The following SOX6 variants were observed in gnomAD, a reference collection of about 807,000 sequenced individuals.
SOX6 encodes the protein transcription factor SOX-6.
Under a neutral mutation model 97.8 loss-of-function variants are expected in SOX6, and 11 were observed. That is an observed-to-expected ratio of 0.11 (90% CI 0.07 to 0.19). The LOEUF is 0.19. Ranked by LOEUF, SOX6 falls within the 10% of genes least tolerant of loss-of-function variation. The pLI, the probability that SOX6 is intolerant of heterozygous loss-of-function variation, is 1.00. For synonymous variants in SOX6, 360 were observed against 371.4 expected (o/e 0.97, Z 0.35); for missense variants, 810 against 1,039.5 (o/e 0.78, Z 3.04).
At chr11:16,573,891 G>C (rs1847959860) in intron 4 of SOX6, among the ~76,000 whole-genome samples, 1 of 151,974 alleles carries the variant, frequency 6.6e-6, no homozygotes, top group Non-Finnish European at 1.5e-5. Context: ...ATAACTTTTT[G>C]ACTTCTCTGT....
chr11:16,405,296 T>C (rs1299729324), intron 1 of SOX6, among the ~76,000 whole-genome samples: 1 of 152,024 alleles, frequency 6.6e-6, no homozygotes, highest in Non-Finnish European at 1.5e-5. Context: ...CAGAATATCC[T>C]AATTAGCATG....
At chr11:16,171,706 A>C (rs1345741833) in intron 6 of SOX6, among the ~76,000 whole-genome samples, 8 of 151,868 alleles carry the variant, frequency 5.3e-5, no homozygotes, top group African/African-American at 1.9e-4. Context: ...AAGAACATGG[A>C]TTTGCTTAAA....
chr11:16,041,719 C>A (rs151051922), intron 12 of SOX6, among the ~76,000 whole-genome samples: 3 of 152,132 alleles, frequency 2.0e-5, no homozygotes, highest in African/African-American at 7.2e-5. Context: ...CTCCCTAGCA[C>A]ACTAACATAA....
Position 16,341,032 on chromosome 11 carries a change from G to A in SOX6, c.217C>T (p.Leu73=), listed in dbSNP as rs372837668. ...CTCACCATTCTTTGCTGAGATGACA[G>A]AACGCTGTCCCAGTCAGCATCTTGT... The part of the protein sequence containing the change: ...IQQDADWDSV[L]SSQQRMESEN... The change falls in exon 2 of 16, where the codon CTG becomes TTG. Residue 73 remains leucine, a synonymous_variant. Coordinates refer to ENST00000683767, the MANE Select transcript of SOX6 (RefSeq NM_001367873.1). 21 of 1,613,302 alleles carry A rather than the reference G, an allele frequency of 1.3e-5. No homozygotes were observed. The African/African-American group carries it at 2.5e-4, about 19-fold the overall frequency.
intron 4 of SOX6, among the ~76,000 whole-genome samples, chr11:16,562,860 A>G (rs1164903534): frequency 6.6e-6 from 1 of 152,194 alleles, no homozygotes; most frequent in Non-Finnish European, 1.5e-5. Context: ...CAGCACTACA[A>G]GAAGCCCCAC....
intron 6 of SOX6, among the ~76,000 whole-genome samples, chr11:16,130,381 G>A (rs1374678825): frequency 1.3e-5 from 2 of 151,854 alleles, no homozygotes; most frequent in Non-Finnish European, 2.9e-5. Context: ...AAAAGGTGAT[G>A]GGTAGGTTAA....
At chr11:16,237,024 A>C (rs748091037) in intron 3 of SOX6, among the ~76,000 whole-genome samples, 78 of 152,116 alleles carry the variant, frequency 5.1e-4, no homozygotes, top group Non-Finnish European at 9.0e-4. Context: ...GCATATCTAC[A>C]TTTTCAGCCA....
intron 4 of SOX6, among the ~76,000 whole-genome samples, chr11:16,601,735 A>AT (rs1848272799): frequency 6.6e-6 from 1 of 152,144 alleles, no homozygotes; most frequent in South Asian, 2.1e-4. Context: ...TATAAGATAG[A>AT]CATGTGTAGC....
chr11:15,980,640 G>A (rs1345065868), intron 15 of SOX6, among the ~76,000 whole-genome samples: 2 of 151,670 alleles, frequency 1.3e-5, no homozygotes, highest in East Asian at 3.9e-4. Flanking sequence ...TTTTACTATT[G>A]AATATATCCA....
At chr11:16,603,824 A>T (rs1848299966) in intron 4 of SOX6, among the ~76,000 whole-genome samples, 2 of 151,926 alleles carry the variant, frequency 1.3e-5, no homozygotes, top group East Asian at 3.9e-4. Flanking sequence ...AAAAGAAAAG[A>T]TTAAAAAAAA....
intron 2 of SOX6, among the ~76,000 whole-genome samples, chr11:16,323,392 T>C (rs936787733): frequency 2.6e-5 from 4 of 152,178 alleles, no homozygotes; most frequent in Non-Finnish European, 5.9e-5. Context: ...AAAACGAATA[T>C]TGTTCAGATT....
At chr11:16,214,969 C>T (rs988751300) in intron 4 of SOX6, among the ~76,000 whole-genome samples, 2 of 151,974 alleles carry the variant, frequency 1.3e-5, no homozygotes. Context: ...CGGCTGGCCT[C>T]GAACTCCTGA....
intron 4 of SOX6, among the ~76,000 whole-genome samples, chr11:16,223,335 C>T (rs1852597500): frequency 6.6e-6 from 1 of 151,958 alleles, no homozygotes; most frequent in African/African-American, 2.4e-5. Context: ...ATTTCTTTAT[C>T]GAGATAAGAA....
intron 3 of SOX6, chr11:16,646,415 C>CA (rs1260412823): frequency 3.3e-5 from 5 of 150,986 alleles, no homozygotes; most frequent in Non-Finnish European, 5.9e-5. Flanking sequence ...CTATTTATAT[C>CA]ATCTAATTTT....
chr11:16,227,658 T>C (rs1047191375), intron 4 of SOX6, among the ~76,000 whole-genome samples: 3 of 152,180 alleles, frequency 2.0e-5, no homozygotes, highest in Admixed American at 1.3e-4. Context: ...TCCAATCTTA[T>C]CAATGTCACA....
intron 12 of SOX6, among the ~76,000 whole-genome samples, chr11:16,020,803 G>A (rs1022603272): frequency 7.2e-5 from 11 of 151,930 alleles, no homozygotes; most frequent in Admixed American, 3.3e-4. Context: ...AGTCTCCCTC[G>A]ACAACATCAA....
intron 4 of SOX6, among the ~76,000 whole-genome samples, chr11:16,189,848 T>C (rs1323007890): frequency 6.6e-6 from 1 of 152,184 alleles, no homozygotes; most frequent in Non-Finnish European, 1.5e-5. Context: ...TGTACTATAA[T>C]TTTTTGTTAA....
chr11:16,641,507 G>A (rs1206301685), intron 3 of SOX6, among the ~76,000 whole-genome samples: 1 of 152,044 alleles, frequency 6.6e-6, no homozygotes, highest in Non-Finnish European at 1.5e-5. Flanking sequence ...ACAGTGGGGT[G>A]TTAAAGTCTC....
In SOX6 at chr11:16,607,968, C is replaced by T. The variant is rs564033809; in HGVS notation, n.609+4113G>A. ...AGAGAGAGGAGGGCAGAGACATCGG[C>T]GAGACCAGAGGTTGGAACTGGGGAA... On this transcript the variant is annotated intron_variant and non_coding_transcript_variant, in intron 4 of 5. Coordinates refer to the SOX6 transcript ENST00000524520. The surrounding 1 kb of genome is among the most constrained non-coding windows in gnomAD (Gnocchi z 6.5). Among the ~76,000 whole-genome samples the T allele has an allele frequency of 1.3e-5, 2 of 151,852 alleles. No individual in the cohort carries two copies. Among genetic ancestry groups the T allele is most frequent in the South Asian group, 4.2e-4 (2 of 4,804 alleles).
Sources: gnomAD v4.1 joint callset for allele counts (sites outside exome capture counted in the v4.1 genomes callset) on GRCh38, gnomAD v4.1.1 for gene constraint, Gnocchi (gnomAD v3.1) non-coding constraint, MANE v1.5 for transcripts, NCBI Gene and HGNC (gene_info 2026-07-23, HGNC 2026-07-21) for gene names.